The following NPHP1 variants were observed in gnomAD, a reference collection of about 807,000 sequenced individuals.
NPHP1 encodes the protein nephrocystin 1.
In NPHP1, 70 loss-of-function variants were observed where a neutral mutation model predicts 90.4. That is an observed-to-expected ratio of 0.77 (90% CI 0.64 to 0.95). NPHP1 has a LOEUF of 0.95. Ranked by LOEUF, NPHP1 falls within the 40% of genes least tolerant of loss-of-function variation. NPHP1 has a pLI of 0.00. For missense variants in NPHP1, 764 were observed against 795.9 expected, an observed-to-expected ratio of 0.96 and a Z score of 0.48; for synonymous variants, 256 against 271.7, an observed-to-expected ratio of 0.94 and a Z score of 0.57.
At chr2:110,195,453 T>C (rs957990284) in intron 2 of NPHP1, among the ~76,000 whole-genome samples, 1 of 152,108 alleles carries the variant, frequency 6.6e-6, no homozygotes, top group Non-Finnish European at 1.5e-5. Flanking sequence ...ACAAGGGATG[T>C]GAAGGTCCTC....
chr2:110,199,465 T>C (rs923608276), intron 2 of NPHP1, among the ~76,000 whole-genome samples: 2 of 146,608 alleles, frequency 1.4e-5, no homozygotes, highest in African/African-American at 5.1e-5. Context: ...GCTGTTGAAA[T>C]AGGTAATAAA....
At chr2:110,138,873 C>T (rs1056858406) in intron 16 of NPHP1, among the ~76,000 whole-genome samples, 9 of 152,208 alleles carry the variant, frequency 5.9e-5, no homozygotes, top group Admixed American at 2.0e-4. Context: ...GTGGGCACTC[C>T]TTTCCTTCTG....
At position 110,168,438 on chromosome 2, in the gene NPHP1, A is replaced by T. The variant is rs772126778; in HGVS notation, c.624+14T>A. 1 of 1,554,614 alleles carries T rather than the reference A, an allele frequency of 6.4e-7. No homozygotes were observed. Among genetic ancestry groups the T allele is most frequent in the Admixed American group, 1.7e-5 (1 of 59,760 alleles). ...AAAAAGTCTTAGAAAAGGAAGGCAT[A>T]AACCAAGACTAACCTCTAGGTAGGT... On this transcript the variant is annotated intron_variant, in intron 6 of 19. Transcript: ENST00000445609.
At chr2:110,174,266 T>C (rs1683357934) in intron 4 of NPHP1, among the ~76,000 whole-genome samples, 1 of 152,130 alleles carries the variant, frequency 6.6e-6, no homozygotes, top group African/African-American at 2.4e-5. Context: ...CATATTACTA[T>C]TTGGTTTCTA....
chr2:110,139,525 G>A (rs913028563), intron 16 of NPHP1, among the ~76,000 whole-genome samples: 6 of 152,172 alleles, frequency 3.9e-5, no homozygotes, highest in Admixed American at 1.3e-4. Context: ...GGTCTACACC[G>A]AATAATTCAC....
chr2:110,189,999 C>T (rs1684590602), intron 2 of NPHP1, among the ~76,000 whole-genome samples: 1 of 151,546 alleles, frequency 6.6e-6, no homozygotes, highest in Admixed American at 6.6e-5. Context: ...TAGCTAGATA[C>T]AGAGTGTCAA....
Position 110,204,902 on chromosome 2 carries a change from G to C in NPHP1, c.67C>G (p.Gln23Glu), listed in dbSNP as rs781727524. 1 of 1,613,930 alleles carries C rather than the reference G, an allele frequency of 6.2e-7. No individual in the cohort carries two copies. Among genetic ancestry groups the C allele is most frequent in the South Asian group, 1.1e-5 (1 of 91,078 alleles). ...LRRRNQELKQ[Q>E]VDSLLSESQL... ...CCCTCTGCACAGCCTGACCATACCT[G>C]TTGCTTCAGCTCCTGATTGCGGCGC... Residue 23 changes from glutamine (Q) to glutamate (E), a missense_variant and splice_region_variant, in exon 1 of 20, where the codon CAG becomes GAG. Physicochemically the swap from Gln to Glu is conservative, Grantham distance 29. Transcript: ENST00000445609.
intron 2 of NPHP1, among the ~76,000 whole-genome samples, chr2:110,182,264 C>T (rs970617712): frequency 6.6e-6 from 1 of 151,724 alleles, no homozygotes. Context: ...AGCCAACATT[C>T]AAATTCAGGA....
At chr2:110,185,118 G>A (rs1322440774) in intron 2 of NPHP1, 5 of 581,208 alleles carry the variant, frequency 8.6e-6, no homozygotes, top group African/African-American at 5.6e-5. Flanking sequence ...TTAAGAAGAT[G>A]TGGGTCTCCA....
At chr2:110,173,934 T>C (rs1683338461) in intron 4 of NPHP1, among the ~76,000 whole-genome samples, 1 of 152,146 alleles carries the variant, frequency 6.6e-6, no homozygotes, top group Non-Finnish European at 1.5e-5. Context: ...AGATTTTTTT[T>C]CCTACTGAAT....
At chr2:110,189,308 T>G in intron 2 of NPHP1, among the ~76,000 whole-genome samples, 1 of 152,154 alleles carries the variant, frequency 6.6e-6, no homozygotes, top group South Asian at 2.1e-4. Context: ...TTGTTCCTTC[T>G]GACGTTCGGA....
intron 18 of NPHP1, 95 bp from the exon 19 acceptor site, chr2:110,125,776 G>T: frequency 1.0e-6 from 1 of 1,003,054 alleles, no homozygotes; most frequent in South Asian, 1.3e-5. Flanking sequence ...TTATGGACAG[G>T]GTTAAAAATG....
chr2:110,201,154 C>G (rs752770455), intron 2 of NPHP1, among the ~76,000 whole-genome samples: 21 of 152,026 alleles, frequency 1.4e-4, no homozygotes, highest in Non-Finnish European at 2.5e-4. Context: ...GGTTTCTGAC[C>G]AGGTCACAGG....
At position 110,158,941 on chromosome 2, in the gene NPHP1, C is replaced by T. The variant is rs142169303; in HGVS notation, c.1083+1186G>A. On this transcript the variant is annotated intron_variant, in intron 11 of 19. Coordinates refer to ENST00000445609, the MANE Select transcript of NPHP1 (RefSeq NM_001128178.3). ...TGTTGCATTTTGCAATTTGAGGACT[C>T]TCCCTTCTATTCCTAGTTTGTAGAT... is the stretch of plus-strand genomic sequence containing the variant. Among the ~76,000 whole-genome samples, 834 of 151,944 alleles carry T rather than the reference C, an allele frequency of 5.5e-3. 6 individuals are homozygous for T. Among genetic ancestry groups the T allele is most frequent in the Non-Finnish European group, 9.4e-3 (635 of 67,852 alleles).
At chr2:110,125,503 T>C in intron 19 of NPHP1, 134 bp downstream of exon 19, 6 of 1,155,098 alleles carry the variant, frequency 5.2e-6, no homozygotes, top group Non-Finnish European at 7.8e-6. Flanking sequence ...TTTGCAGCCA[T>C]AATGAAACAG....
rs779501447 is a variant in NPHP1 at position 110,169,521 on chromosome 2, T to C, written c.522+285A>G. Among the ~76,000 whole-genome samples the C allele has an allele frequency of 9.2e-5, 14 of 152,130 alleles. 1 individual carries two copies. The highest frequency in any genetic ancestry group is 1.6e-4 in the Non-Finnish European group (11 of 68,020). On this transcript the variant is annotated intron_variant, in intron 5 of 19. Coordinates refer to ENST00000445609, the MANE Select transcript of NPHP1 (RefSeq NM_001128178.3). ...CACCTATGGACATTGCCTAACTCAC[T>C]TGAATGAATTTATACATGACATTCA...
rs17842683 is a variant in NPHP1 at position 110,147,717 on chromosome 2, G to A, written c.1269+199C>T. On this transcript the variant is annotated intron_variant, in intron 13 of 19. Coordinates refer to ENST00000445609, the MANE Select transcript of NPHP1 (RefSeq NM_001128178.3). ...ACTGGAGTTCACTCAAGCTATAAATGTGAATAAGTACTATTATTTTAAATG... is the reference window on the plus strand; with the variant it reads ...ACTGGAGTTCACTCAAGCTATAAATATGAATAAGTACTATTATTTTAAATG... Among the ~76,000 whole-genome samples the A allele has an allele frequency of 2.9e-3, 435 of 152,178 alleles. 21 individuals carry two copies. In the East Asian group the frequency reaches 0.076, roughly 27 times the overall value.
Position 110,192,351 on chromosome 2 carries a change from G to A in NPHP1, c.143+9070C>T, listed in dbSNP as rs562661597. Among the ~76,000 whole-genome samples the A allele has an allele frequency of 8.5e-5, 13 of 152,270 alleles. No individual in the cohort carries two copies. In the South Asian group the frequency reaches 1.5e-3, roughly 17 times the overall value. ...CTGAAAACCATGGCACAAGAACTAC[G>A]TGACGAATGCACAAGCTTCAGTAGC... On this transcript the variant is annotated intron_variant, in intron 2 of 19. Transcript: ENST00000445609.
At chr2:110,135,304 C>T (rs1038120284) in intron 16 of NPHP1, among the ~76,000 whole-genome samples, 1 of 151,320 alleles carries the variant, frequency 6.6e-6, no homozygotes, top group African/African-American at 2.4e-5. Context: ...GGTGAAACCC[C>T]GTTTCTACTA....
Sources: gnomAD v4.1 joint callset for allele counts (sites outside exome capture counted in the v4.1 genomes callset) on GRCh38, gnomAD v4.1.1 for gene constraint, MANE v1.5 for transcripts, NCBI Gene and HGNC (gene_info 2026-07-23, HGNC 2026-07-21) for gene names.